The following MUC6 variants were observed in gnomAD, a reference collection of about 807,000 sequenced individuals.
MUC6 encodes the protein mucin 6, oligomeric mucus/gel-forming (gene/pseudogene).
MUC6 carries 188 observed loss-of-function variants against 201.5 expected under a neutral mutation model. The observed-to-expected ratio is 0.93, with a 90% confidence interval of 0.83 to 1.05. The LOEUF (loss-of-function observed/expected upper bound fraction) is 1.05. Among genes scored for constraint, MUC6 ranks in the 50% least tolerant of loss-of-function variants. The pLI, the probability that MUC6 is intolerant of heterozygous loss-of-function variation, is 0.00. For synonymous variants in MUC6, 1,228 were observed against 1,389.4 expected, an observed-to-expected ratio of 0.88 and a Z score of 2.58; for missense variants, 2,706 against 3,256.9, an observed-to-expected ratio of 0.83 and a Z score of 4.12.
chr11:1,036,708 T>C lies in MUC6; in HGVS notation c.-53A>G, dbSNP rs2133842176. The stretch of plus-strand genomic sequence containing the variant: ...GGGCCCGGCAGGCCTGCTGCTGCCA[T>C]CCATGCGGCTCCAACGGCCGGTCCT... On this transcript the variant is annotated 5_prime_UTR_variant, in exon 1 of 33. An upstream start codon of the reference 5' UTR is lost. Coordinates refer to ENST00000421673, the MANE Select transcript of MUC6 (RefSeq NM_005961.3). The C allele has an allele frequency of 6.6e-7, 1 of 1,525,938 alleles. No homozygotes were observed. Among genetic ancestry groups the C allele is most frequent in the South Asian group, 1.2e-5 (1 of 82,906 alleles). The allele number at this position is 1,525,938 out of a possible 1,614,324, so 94.5% of individuals were successfully genotyped here. A position where few individuals can be genotyped will look rare whatever the true frequency, so the allele number is the denominator to read the frequency against.
In MUC6 at chr11:1,024,965, G is replaced by A. The variant is rs772172160; in HGVS notation, c.3104C>T (p.Pro1035Leu). ...LELVNSWKES[P>L]LCGDVSFVTD... ...CACGAAGCTCACGTCCCCGCACAGCGGGCTCTCCTTCCACGAGTTCACCAA... is the reference window on the plus strand; with the variant it reads ...CACGAAGCTCACGTCCCCGCACAGCAGGCTCTCCTTCCACGAGTTCACCAA... Residue 1035 changes from proline to leucine, a missense_variant, in exon 24 of 33, where the codon CCG (proline) becomes CTG (leucine). Physicochemically the swap from Pro to Leu is moderately conservative, Grantham distance 98. Coordinates refer to ENST00000421673, the MANE Select transcript of MUC6 (RefSeq NM_005961.3). 29 of 1,612,988 alleles carry A rather than the reference G, an allele frequency of 1.8e-5. No individual in the cohort carries two copies. The highest frequency in any genetic ancestry group is 2.7e-5 in the African/African-American group (2 of 74,950).
At chr11:1,024,586 G>A (rs1365586446) in intron 24 of MUC6, among the ~76,000 whole-genome samples, 1 of 152,242 alleles carries the variant, frequency 6.6e-6, no homozygotes, top group Admixed American at 6.5e-5. Flanking sequence ...TGCCCCAGGG[G>A]ACTCGTGGCA....
Position 1,020,704 on chromosome 11 carries a change from G to A in MUC6, c.3620C>T (p.Thr1207Met), listed in dbSNP as rs577998306. The change falls in exon 28 of 33, where the codon ACG (threonine) becomes ATG (methionine). Residue 1207 changes from threonine to methionine, a missense_variant. Thr to Met is a moderately conservative substitution (Grantham distance 81). Around this residue, in one of 10 missense-constraint regions of MUC6, gnomAD observed 1,850 missense variants for 1,958.3 expected, o/e 0.94. Coordinates refer to ENST00000421673, the MANE Select transcript of MUC6 (RefSeq NM_005961.3). ...ATTACCTGTGGTGGGCAGCTGCGGC[G>A]TGGTGGGTGGCTGCGGCGTGGTGGG... ...MPPTTPQPPT[T>M]PQLPTTGSRP... The A allele has an allele frequency of 8.1e-6, 13 of 1,613,424 alleles. No homozygotes were observed. In the East Asian group the frequency reaches 8.9e-5, roughly 11 times the overall value.
chr11:1,018,870 T>C, intron 30 of MUC6, 100 bp from the exon 31 acceptor site: 1 of 1,427,892 alleles, frequency 7.0e-7, no homozygotes, highest in East Asian at 2.3e-5. Context: ...TTCTTGCCTG[T>C]CTGTGCCTCT....
intron 31 of MUC6, 30 bp downstream of exon 31, chr11:1,015,732 C>T (rs1856587575): frequency 2.0e-6 from 3 of 1,519,086 alleles, no homozygotes; most frequent in Non-Finnish European, 2.6e-6. Flanking sequence ...GAGGTGAGGC[C>T]AGGAGAAGGG....
At chr11:1,031,378 G>T in intron 4 of MUC6, 119 bp from the exon 5 acceptor site, 2 of 1,176,232 alleles carry the variant, frequency 1.7e-6, no homozygotes, top group Non-Finnish European at 2.3e-6. Context: ...CTGCTCATCT[G>T]CCTCTTCTTA....
chr11:1,031,309 C>G, intron 4 of MUC6, 50 bp from the exon 5 acceptor site: 1 of 1,514,224 alleles, frequency 6.6e-7, no homozygotes, highest in South Asian at 1.2e-5. Flanking sequence ...GCCCCCTCAT[C>G]TGCTGTGGAG....
Position 1,016,255 on chromosome 11 carries a change from TGAG to T in MUC6, c.6543_6545del (p.Ser2182del), listed in dbSNP as rs755588786. 14 of 1,612,354 alleles carry T rather than the reference TGAG, an allele frequency of 8.7e-6. No homozygotes were observed. The highest frequency in any genetic ancestry group is 5.4e-5 in the African/African-American group (4 of 74,542). On this transcript the variant is annotated inframe_deletion, in exon 31 of 33. Transcript: ENST00000421673. ...ATGCAGTCGTGGGATGAGTGGACAATGAGGAGTGTGACCCCGAGCTCAGGGTTG... is the reference window on the plus strand; with the variant it reads ...ATGCAGTCGTGGGATGAGTGGACAATGAGTGTGACCCCGAGCTCAGGGTTG...
Position 1,020,684 on chromosome 11 carries a change from C to G in MUC6, c.3640G>C (p.Gly1214Arg). 2 of 1,613,580 alleles carry G rather than the reference C, an allele frequency of 1.2e-6. No individual in the cohort carries two copies. Among genetic ancestry groups the G allele is most frequent in the Non-Finnish European group, 1.7e-6 (2 of 1,179,738 alleles). The change falls in exon 28 of 33, where the codon GGC (glycine) becomes CGC (arginine). Residue 1214 changes from glycine to arginine, a missense_variant and splice_region_variant. Physicochemically the swap from Gly to Arg is moderately radical, Grantham distance 125. Transcript: ENST00000421673. ...TGGCACCTAGTGTGCGTGCAATTAC[C>G]TGTGGTGGGCAGCTGCGGCGTGGTG... Reference protein sequence around the residue: ...PPTTPQLPTTGSRPTQVWPMT... With the variant: ...PPTTPQLPTTRSRPTQVWPMT...
At position 1,032,723 on chromosome 11, in the gene MUC6, GGT is replaced by G. The variant is rs796895922; in HGVS notation, c.115+288_115+289del. On this transcript the variant is annotated intron_variant, in intron 2 of 32. Coordinates refer to ENST00000421673, the MANE Select transcript of MUC6 (RefSeq NM_005961.3). Reference sequence around the variant, plus strand: ...GTTTGTGTGTAGGTTGTGTGTGTTGGGTGTGTGTGCATGTGTGTTGGGTTGTG... The same window carrying G: ...GTTTGTGTGTAGGTTGTGTGTGTTGGGTGTGTGCATGTGTGTTGGGTTGTG... Among the ~76,000 whole-genome samples the G allele has an allele frequency of 1.1e-4, 17 of 150,634 alleles. No homozygotes were observed. The South Asian group carries it at 1.3e-3, about 11-fold the overall frequency.
rs555838706 is a variant in MUC6, at chr11:1,033,155, T to G, written c.53-80A>C. The stretch of plus-strand genomic sequence containing the variant: ...GCCGCTCACCTCTGCTCAGGGCTGC[T>G]CCGCCCGTTTCCCTGCACACACTCG... On this transcript the variant is annotated intron_variant, in intron 1 of 32. Coordinates refer to ENST00000421673, the MANE Select transcript of MUC6 (RefSeq NM_005961.3). The surrounding 1 kb of genome is among the most constrained non-coding windows in gnomAD (Gnocchi z 5.6). The G allele has an allele frequency of 1.7e-3, 2,370 of 1,379,110 alleles. 37 individuals carry two copies. Among genetic ancestry groups the G allele is most frequent in the East Asian group, 2.9e-3 (126 of 43,320 alleles). The allele number at this position is 1,379,110 out of a possible 1,614,324, so 85.4% of individuals were successfully genotyped here.
chr11:1,032,623 G>A lies in MUC6; in HGVS notation c.115+390C>T, dbSNP rs552135677. Among the ~76,000 whole-genome samples, 38 of 150,734 alleles carry A rather than the reference G, an allele frequency of 2.5e-4. No individual in the cohort carries two copies. In the East Asian group the frequency reaches 7.3e-3, roughly 29 times the overall value. On this transcript the variant is annotated intron_variant, in intron 2 of 32. Transcript: ENST00000421673. Reference sequence around the variant, plus strand: ...TGCACATGTGTAAGTCGTGCGTGTTGTAAGTGTGCATGTTTGCATGTCTGG... The same window carrying A: ...TGCACATGTGTAAGTCGTGCGTGTTATAAGTGTGCATGTTTGCATGTCTGG...
intron 1 of MUC6, among the ~76,000 whole-genome samples, chr11:1,036,168 A>G (rs1427945724): frequency 6.8e-6 from 1 of 147,782 alleles, no homozygotes; most frequent in African/African-American, 2.6e-5. Flanking sequence ...AGACTAGGAA[A>G]CGAGGCCCAG....
chr11:1,020,861 T>A (rs1856790453), intron 27 of MUC6, 127 bp from the exon 28 acceptor site: 1 of 1,239,376 alleles, frequency 8.1e-7, no homozygotes, highest in Non-Finnish European at 1.1e-6. Flanking sequence ...CTGGAGGGGC[T>A]GGGAGCCCAC....
chr11:1,023,899 G>T (rs763649643), intron 25 of MUC6, 48 bp downstream of exon 25: 4 of 1,595,272 alleles, frequency 2.5e-6, no homozygotes, highest in Non-Finnish European at 2.6e-6. Flanking sequence ...CCTTAGTGGC[G>T]CTGGGTGGCA....
chr11:1,027,651 C>T (rs1478493127), intron 16 of MUC6, 34 bp downstream of exon 16: 1 of 1,579,766 alleles, frequency 6.3e-7, no homozygotes, highest in Admixed American at 1.8e-5. Context: ...GCCCAGCCTG[C>T]CGTGACCCCG....
chr11:1,032,569 G>GTA (rs1857132860), intron 2 of MUC6, among the ~76,000 whole-genome samples: 2 of 151,130 alleles, frequency 1.3e-5, no homozygotes, highest in African/African-American at 4.9e-5. Context: ...GGGTGCATGT[G>GTA]TGTGTAGGGT....
At chr11:1,036,547 G>A (rs931263249) in intron 1 of MUC6, 57 bp downstream of exon 1, 14 of 1,534,670 alleles carry the variant, frequency 9.1e-6, no homozygotes, top group South Asian at 7.2e-5. Context: ...AGAGACCCCC[G>A]CACACAGGGC....
rs867887702 is a variant in MUC6, at chr11:1,036,526, C to T, written c.52+78G>A. ...ATGTGGGCCAGCCGAGTTGTCGAGGCGAGAAGGCCCAGAGACCCCCGCACA... is the reference window on the plus strand; with the variant it reads ...ATGTGGGCCAGCCGAGTTGTCGAGGTGAGAAGGCCCAGAGACCCCCGCACA... On this transcript the variant is annotated intron_variant, in intron 1 of 32. Coordinates refer to ENST00000421673, the MANE Select transcript of MUC6 (RefSeq NM_005961.3). 30 of 1,485,940 alleles carry T rather than the reference C, an allele frequency of 2.0e-5. No homozygotes were observed. The Middle Eastern group carries it at 8.8e-4, about 44-fold the overall frequency. The allele number at this position is 1,485,940 out of a possible 1,614,324, so 92.0% of individuals were successfully genotyped here.
Sources: gnomAD v4.1 joint callset for allele counts (sites outside exome capture counted in the v4.1 genomes callset) on GRCh38, gnomAD v4.1.1 for gene constraint, gnomAD v4.1.1 regional missense constraint, Gnocchi (gnomAD v3.1) non-coding constraint, MANE v1.5 for transcripts, NCBI Gene and HGNC (gene_info 2026-07-23, HGNC 2026-07-21) for gene names.